The following ZNF365 variants were observed in gnomAD, a reference collection of about 807,000 sequenced individuals.
ZNF365 encodes protein ZNF365.
In ZNF365, 22 loss-of-function variants were observed where a neutral mutation model predicts 35.0. The observed-to-expected ratio is 0.63, with a 90% CI of 0.45 to 0.90. The LOEUF (loss-of-function observed/expected upper bound fraction) is 0.90, where lower values mean the gene tolerates loss of function less well. Ranked by LOEUF, ZNF365 falls within the 40% of genes least tolerant of loss-of-function variation. The pLI, the probability that ZNF365 is intolerant of heterozygous loss-of-function variation, is 0.00. For synonymous variants in ZNF365, 188 were observed against 196.2 expected (o/e 0.96, Z 0.35); for missense variants, 448 against 500.3 (o/e 0.90, Z 1.00).
chr10:62,427,982 A>G (rs1840275632), intron 3 of ZNF365, among the ~76,000 whole-genome samples: 1 of 152,220 alleles, frequency 6.6e-6, no homozygotes, highest in South Asian at 2.1e-4. Context: ...AGAAGCCAAT[A>G]TGATTGGAAA....
intron 3 of ZNF365, among the ~76,000 whole-genome samples, chr10:62,407,812 T>C (rs150234248): frequency 6.6e-6 from 1 of 152,208 alleles, no homozygotes; most frequent in African/African-American, 2.4e-5. Context: ...ATGGTAGACA[T>C]TGCTAATTGG....
At chr10:62,433,910 C>G (rs549051196) in intron 3 of ZNF365, among the ~76,000 whole-genome samples, 1 of 152,194 alleles carries the variant, frequency 6.6e-6, no homozygotes, top group South Asian at 2.1e-4. Context: ...CAGGCTGGTA[C>G]AAGGGAAAGA....
intron 3 of ZNF365, among the ~76,000 whole-genome samples, chr10:62,397,296 C>A (rs565934527): frequency 1.2e-3 from 186 of 151,200 alleles, no homozygotes; most frequent in Non-Finnish European, 2.0e-3. Context: ...AAGGAACTTC[C>A]TTTGCGGCTT....
intron 3 of ZNF365, among the ~76,000 whole-genome samples, 174 bp from the exon 4 acceptor site, chr10:62,398,566 C>T (rs1005787625): frequency 6.6e-6 from 1 of 152,108 alleles, no homozygotes; most frequent in Non-Finnish European, 1.5e-5. Flanking sequence ...AAAGGCTGAG[C>T]ATGAGATGTT....
At position 62,399,753 on chromosome 10, in the gene ZNF365, TA is replaced by T. The variant is rs751774089; in HGVS notation, c.1196del (p.Lys399SerfsTer6). ...AAGGCAACATCAGGCCCAAAATGGC[TA>T]AAAAAAAGCCAACAGCCATTGTGAA... ...RKGNIRPKMAKKKPTAIVNII is the reference protein window; with the variant it reads ...RKGNIRPKMAXKKPTAIVNII On this transcript the variant is annotated frameshift_variant, in exon 5 of 5. Transcript: ENST00000395254. LOFTEE classifies it high-confidence loss of function. The T allele has an allele frequency of 3.1e-5, 50 of 1,613,086 alleles. 1 individual carries two copies. The highest frequency in any genetic ancestry group is 1.7e-4 in the Middle Eastern group (1 of 5,888).
chr10:62,432,727 T>C (rs1039836301), intron 3 of ZNF365, among the ~76,000 whole-genome samples: 4 of 152,180 alleles, frequency 2.6e-5, no homozygotes, highest in African/African-American at 9.7e-5. Context: ...ACTATTACCA[T>C]TATTATAATG....
In ZNF365 at chr10:62,399,622, G is replaced by T; in HGVS notation, c.1057G>T (p.Asp353Tyr). The change falls in exon 5 of 5, where the codon GAC becomes TAC. Residue 353 changes from aspartate to tyrosine, a missense_variant. By Grantham distance (160) the Asp-to-Tyr change is radical. Coordinates refer to ENST00000395254, the MANE Select transcript of ZNF365 (RefSeq NM_014951.3). ...GAACCACCTGAAAAAGGCCAAGGAT[G>T]ACAGAGCCAGCATGCAGCCTGCCAA... ...GRNHLKKAKD[D>Y]RASMQPAKAI... The T allele has an allele frequency of 6.2e-7, 1 of 1,614,174 alleles. No individual in the cohort carries two copies. The highest frequency in any genetic ancestry group is 8.5e-7 in the Non-Finnish European group (1 of 1,180,032).
chr10:62,395,937 CCT>C (rs1839719611), intron 3 of ZNF365, among the ~76,000 whole-genome samples: 1 of 152,120 alleles, frequency 6.6e-6, no homozygotes, highest in South Asian at 2.1e-4. Context: ...CTCTTTTGAT[CCT>C]CATCTTAACA....
intron 2 of ZNF365, among the ~76,000 whole-genome samples, chr10:62,387,347 G>A (rs1157396286): frequency 6.6e-6 from 1 of 152,088 alleles, no homozygotes; most frequent in East Asian, 1.9e-4. Context: ...CATGAGGATG[G>A]CTACCAAGAT....
intron 3 of ZNF365, among the ~76,000 whole-genome samples, chr10:62,448,125 A>G (rs543102309): frequency 2.3e-3 from 349 of 152,362 alleles, no homozygotes; most frequent in Non-Finnish European, 4.2e-3. Context: ...GATTGCAAAT[A>G]TTATACACAT....
At chr10:62,421,931 C>G (rs947751447) in intron 3 of ZNF365, among the ~76,000 whole-genome samples, 2 of 152,148 alleles carry the variant, frequency 1.3e-5, no homozygotes, top group African/African-American at 4.8e-5. Flanking sequence ...AATGTTTTAC[C>G]ACTGTATTCT....
At chr10:62,448,391 C>A (rs1456498752) in intron 3 of ZNF365, among the ~76,000 whole-genome samples, 1 of 152,156 alleles carries the variant, frequency 6.6e-6, no homozygotes, top group East Asian at 1.9e-4. Flanking sequence ...CCTTCAGATT[C>A]TGAAAGCCAG....
At position 62,376,604 on chromosome 10, in the gene ZNF365, C is replaced by T; in HGVS notation, c.411C>T (p.Asp137=). The change falls in exon 2 of 5, where the codon GAC becomes GAT. Residue 137 remains aspartate (D), a synonymous_variant. Coordinates refer to ENST00000395254, the MANE Select transcript of ZNF365 (RefSeq NM_014951.3). Reference sequence around the variant, plus strand: ...ACACTGCCATGGACCTCCATGCAGACTCGCTGGATGGGACACGGTCGGGTC... The same window carrying T: ...ACACTGCCATGGACCTCCATGCAGATTCGCTGGATGGGACACGGTCGGGTC... The part of the protein sequence containing the change: ...QTYTAMDLHA[D]SLDGTRSGPG... 6.2e-7 allele frequency: 1 copy of T among 1,614,172 alleles called. No individual in the cohort carries two copies.
intron 2 of ZNF365, among the ~76,000 whole-genome samples, chr10:62,387,620 C>CG (rs796575313): frequency 3.3e-5 from 5 of 151,904 alleles, no homozygotes; most frequent in African/African-American, 1.2e-4. Context: ...GGAGGGCAAC[C>CG]CATGCATTGC....
At position 62,376,431 on chromosome 10, in the gene ZNF365, C is replaced by T. The variant is rs769933079; in HGVS notation, c.238C>T (p.Leu80=). 7 of 1,614,062 alleles carry T rather than the reference C, an allele frequency of 4.3e-6. No individual in the cohort carries two copies. The highest frequency in any genetic ancestry group is 5.9e-6 in the Non-Finnish European group (7 of 1,180,044). Residue 80 remains leucine, a synonymous_variant, in exon 2 of 5, where the codon CTG becomes TTG. Coordinates refer to ENST00000395254, the MANE Select transcript of ZNF365 (RefSeq NM_014951.3). ...AGACCTAGTCACTTCCTCAGAACTC[C>T]TGAAACCGGGAAAATTGCAGAGCAG... ...DTDLVTSSEL[L]KPGKLQSSGN...
intron 3 of ZNF365, among the ~76,000 whole-genome samples, chr10:62,455,106 T>C (rs982185649): frequency 6.6e-6 from 1 of 152,184 alleles, no homozygotes; most frequent in Admixed American, 6.5e-5. Flanking sequence ...TGCCTTGGAC[T>C]GGGCAGTTAA....
intron 3 of ZNF365, among the ~76,000 whole-genome samples, chr10:62,407,665 G>A (rs1046515791): frequency 6.6e-6 from 1 of 152,180 alleles, no homozygotes; most frequent in African/African-American, 2.4e-5. Context: ...CTGTCTCAGT[G>A]TATTGAACTA....
chr10:62,402,255 C>T lies in ZNF365; in HGVS notation c.*2466C>T. 1.0e-6 allele frequency: 1 copy of T among 985,800 alleles called. No individual in the cohort carries two copies. The highest frequency in any genetic ancestry group is 1.2e-6 in the Non-Finnish European group (1 of 829,906). 61.1% of individuals were successfully genotyped at this position (985,800 alleles called of 1,614,324 possible). ...TGTAGGGAAGAAATCTTCCTTTGAA[C>T]CGCTTTTCTTGCTTTTTCCCTTTTT... On this transcript the variant is annotated 3_prime_UTR_variant, in exon 5 of 5. Transcript: ENST00000395254.
At chr10:62,448,494 T>TA (rs910410237) in intron 3 of ZNF365, among the ~76,000 whole-genome samples, 1 of 152,226 alleles carries the variant, frequency 6.6e-6, no homozygotes, top group Non-Finnish European at 1.5e-5. Flanking sequence ...GCCCTTTTTT[T>TA]ATTCAGTTTG....
Sources: gnomAD v4.1 joint callset for allele counts (sites outside exome capture counted in the v4.1 genomes callset) on GRCh38, gnomAD v4.1.1 for gene constraint, MANE v1.5 for transcripts, NCBI Gene and HGNC (gene_info 2026-07-23, HGNC 2026-07-21) for gene names.